Variants in ACACA observed in about 807,000 individuals in gnomAD.
The protein encoded by ACACA is acetyl-CoA carboxylase alpha, also known as acetyl-CoA carboxylase 1.
In ACACA, 103 loss-of-function variants were observed where a neutral mutation model predicts 296.1. The observed-to-expected ratio is 0.35, with a 90% CI of 0.30 to 0.41. ACACA has a LOEUF of 0.41. Ranked by LOEUF, ACACA falls within the 10% of genes least tolerant of loss-of-function variation. The pLI is 1.00. For synonymous variants in ACACA, 953 were observed against 1,038.6 expected, an observed-to-expected ratio of 0.92 and a Z score of 1.58; for missense variants, 1,554 against 2,989.7, an observed-to-expected ratio of 0.52 and a Z score of 11.20.
chr17:37,167,658 A>T, intron 41 of ACACA, among the ~76,000 whole-genome samples: 1 of 147,880 alleles, frequency 6.8e-6, no homozygotes, highest in African/African-American at 2.5e-5. Flanking sequence ...TTAAGGAAGT[A>T]TGTTCCTTAA....
Position 37,188,214 on chromosome 17 carries a change from A to T in ACACA, c.4776+63T>A, listed in dbSNP as rs61643931. The T allele has an allele frequency of 2.1e-4, 319 of 1,499,628 alleles. 3 individuals carry two copies. The African/African-American group carries it at 4.2e-3, about 20-fold the overall frequency. 92.9% of individuals were successfully genotyped at this position (1,499,628 alleles called of 1,614,324 possible). On this transcript the variant is annotated intron_variant, in intron 39 of 55. Coordinates refer to ENST00000616317, the MANE Select transcript of ACACA (RefSeq NM_198834.3). ...TTGTGAGTGTGGGTCTTCTATAACA[A>T]GGACGAGTGTCTTATCTGTAGGACC...
chr17:37,348,709 T>A (rs544197922), intron 1 of ACACA, among the ~76,000 whole-genome samples: 1 of 151,866 alleles, frequency 6.6e-6, no homozygotes, highest in Admixed American at 6.6e-5. Context: ...GCGCGGTAAT[T>A]CCAGCACTTT....
chr17:37,249,025 C>A (rs920974772), intron 16 of ACACA, among the ~76,000 whole-genome samples: 2 of 152,196 alleles, frequency 1.3e-5, no homozygotes, highest in African/African-American at 4.8e-5. Flanking sequence ...TCGCCCTCCC[C>A]CCAGTTCCTG....
chr17:37,329,461 G>A (rs2047761711), intron 3 of ACACA, among the ~76,000 whole-genome samples: 2 of 151,946 alleles, frequency 1.3e-5, no homozygotes, highest in South Asian at 2.1e-4. Flanking sequence ...CCAACATGGC[G>A]AAACCCGGTG....
chr17:37,381,970 T>C (rs1421670175), intron 1 of ACACA, among the ~76,000 whole-genome samples: 2 of 152,234 alleles, frequency 1.3e-5, no homozygotes, highest in Non-Finnish European at 2.9e-5. Context: ...ATATATATTT[T>C]GGTCGTTTCC....
chr17:37,182,335 TTATG>T (rs1223402162), intron 39 of ACACA, among the ~76,000 whole-genome samples: 4 of 151,588 alleles, frequency 2.6e-5, no homozygotes, highest in African/African-American at 9.7e-5. Context: ...TTATATTAAA[TTATG>T]TATATTAAAA....
At position 37,087,162 on chromosome 17, in the gene ACACA, G is replaced by A. The variant is rs1197391083; in HGVS notation, c.*154C>T. 5 of 1,009,402 alleles carry A rather than the reference G, an allele frequency of 5.0e-6. No homozygotes were observed. Among genetic ancestry groups the A allele is most frequent in the Non-Finnish European group, 7.5e-6 (5 of 666,428 alleles). The allele number at this position is 1,009,402 out of a possible 1,614,324, so 62.5% of individuals were successfully genotyped here. On this transcript the variant is annotated 3_prime_UTR_variant, in exon 56 of 56. Transcript: ENST00000616317. ...GGGATTCTGTGATCTTACATCCCAG[G>A]ATGTCATGCATAACCTGAAACGAGA...
intron 12 of ACACA, 128 bp downstream of exon 12, chr17:37,259,232 G>T: frequency 9.3e-7 from 1 of 1,076,986 alleles, no homozygotes; most frequent in Non-Finnish European, 1.4e-6. Context: ...CATACAGGGT[G>T]AAAGAGAAAT....
chr17:37,111,876 C>T (rs1161633668), intron 51 of ACACA, among the ~76,000 whole-genome samples: 2 of 152,116 alleles, frequency 1.3e-5, no homozygotes, highest in Non-Finnish European at 2.9e-5. Context: ...CATTACCACA[C>T]CAGTCGACTT....
At chr17:37,091,922 C>T (rs1158978312) in intron 54 of ACACA, among the ~76,000 whole-genome samples, 1 of 152,134 alleles carries the variant, frequency 6.6e-6, no homozygotes, top group East Asian at 1.9e-4. Flanking sequence ...TTGTAAGACT[C>T]AATTCCAGTC....
intron 14 of ACACA, among the ~76,000 whole-genome samples, chr17:37,254,521 C>T (rs2081138340): frequency 6.6e-6 from 1 of 152,116 alleles, no homozygotes; most frequent in African/African-American, 2.4e-5. Context: ...TCCTATAATG[C>T]CCTTAAATAA....
At chr17:37,222,099 A>C (rs1422329603) in intron 28 of ACACA, 2 of 516,706 alleles carry the variant, frequency 3.9e-6, no homozygotes, top group Non-Finnish European at 7.0e-6. Context: ...ACCTTCTTCC[A>C]CACTAACCTA....
intron 52 of ACACA, among the ~76,000 whole-genome samples, chr17:37,110,591 G>T (rs1295358083): frequency 6.6e-6 from 1 of 152,162 alleles, no homozygotes; most frequent in Non-Finnish European, 1.5e-5. Flanking sequence ...ATGCCTGGAT[G>T]TACAGTCTCC....
At chr17:37,351,887 C>T (rs1011660927) in intron 1 of ACACA, among the ~76,000 whole-genome samples, 5 of 150,534 alleles carry the variant, frequency 3.3e-5, no homozygotes, top group Non-Finnish European at 5.9e-5. Flanking sequence ...ACCCTCAATG[C>T]CTCACAATGC....
intron 1 of ACACA, among the ~76,000 whole-genome samples, chr17:37,382,819 C>A (rs1244303938): frequency 1.3e-5 from 2 of 152,120 alleles, no homozygotes; most frequent in African/African-American, 4.8e-5. Flanking sequence ...GAGATCACGC[C>A]ACTGCACTCC....
intron 54 of ACACA, 139 bp downstream of exon 54, chr17:37,096,857 G>A: frequency 9.9e-7 from 1 of 1,007,052 alleles, no homozygotes; most frequent in Non-Finnish European, 1.6e-6. Flanking sequence ...GTAGCTGGGG[G>A]AGGAAACAGC....
intron 24 of ACACA, among the ~76,000 whole-genome samples, chr17:37,237,363 TC>T (rs2080161309): frequency 6.6e-6 from 1 of 152,208 alleles, no homozygotes; most frequent in Non-Finnish European, 1.5e-5. Context: ...TGTAATAGTT[TC>T]TCTAAAGTAT....
chr17:37,318,407 A>T (rs1407645987), intron 3 of ACACA, among the ~76,000 whole-genome samples: 1 of 151,982 alleles, frequency 6.6e-6, no homozygotes, highest in Non-Finnish European at 1.5e-5. Context: ...CACCTGGCTA[A>T]TGTTTGTATT....
In ACACA at chr17:37,258,348, C is replaced by T; in HGVS notation, c.1526G>A (p.Arg509Lys). ...LQIAMGIPLY[R>K]IKDIRMMYGV... ...ATACATCATACGGATATCCTTGATT[C>T]TATATAGAGGAATCCCCATGGCAAT... Residue 509 changes from arginine to lysine, a missense_variant, in exon 13 of 56, where the codon AGA (arginine) becomes AAA (lysine). By Grantham distance (26) the Arg-to-Lys change is conservative. Around this residue, in one of 16 missense-constraint regions of ACACA, gnomAD observed 37 missense variants for 49.9 expected, o/e 0.74. Coordinates refer to ENST00000616317, the MANE Select transcript of ACACA (RefSeq NM_198834.3). 6.2e-7 allele frequency: 1 copy of T among 1,613,996 alleles called. No homozygotes were observed. Among genetic ancestry groups the T allele is most frequent in the Non-Finnish European group, 8.5e-7 (1 of 1,179,930 alleles).
Sources: gnomAD v4.1 joint callset for allele counts (sites outside exome capture counted in the v4.1 genomes callset) on GRCh38, gnomAD v4.1.1 for gene constraint, gnomAD v4.1.1 regional missense constraint, MANE v1.5 for transcripts, NCBI Gene and HGNC (gene_info 2026-07-23, HGNC 2026-07-21) for gene names.